The following SCN7A variants were observed in gnomAD, a reference collection of about 807,000 sequenced individuals.
The protein encoded by SCN7A is sodium voltage-gated channel alpha subunit 7.
A neutral mutation model predicts 155.2 loss-of-function variants in SCN7A; 138 were observed. That is an observed-to-expected ratio of 0.89 (90% CI 0.77 to 1.02). The LOEUF (loss-of-function observed/expected upper bound fraction) is 1.02, where lower values mean the gene tolerates loss of function less well. Ranked by LOEUF, SCN7A falls within the 50% of genes least tolerant of loss-of-function variation. The pLI is 0.00. For missense variants in SCN7A, 2,058 were observed against 1,986.6 expected (o/e 1.04, Z -0.68); for synonymous variants, 693 against 649.0 (o/e 1.07, Z -1.03).
chr2:166,437,635 G>T (rs1219356012), intron 15 of SCN7A, among the ~76,000 whole-genome samples: 3 of 152,122 alleles, frequency 2.0e-5, no homozygotes, highest in Admixed American at 6.5e-5. Context: ...AAGGCAGCTG[G>T]GATCGGGGCT....
intron 7 of SCN7A, among the ~76,000 whole-genome samples, chr2:166,469,632 A>T (rs1426722504): frequency 6.6e-6 from 1 of 151,800 alleles, no homozygotes; most frequent in Admixed American, 6.6e-5. Flanking sequence ...TATTATTACA[A>T]CTTGAATTCA....
chr2:166,437,176 C>T (rs969472221), intron 15 of SCN7A, among the ~76,000 whole-genome samples: 4 of 152,184 alleles, frequency 2.6e-5, no homozygotes, highest in African/African-American at 9.7e-5. Context: ...GCCCAGGGTC[C>T]CCCTGCTGTG....
At chr2:166,431,555 T>G (rs1575020199) in intron 16 of SCN7A, among the ~76,000 whole-genome samples, 1 of 152,040 alleles carries the variant, frequency 6.6e-6, no homozygotes, top group African/African-American at 2.4e-5. Flanking sequence ...TCTCTGTAGG[T>G]GTAGCTTTCT....
At chr2:166,429,533 C>T (rs1046926803) in intron 16 of SCN7A, among the ~76,000 whole-genome samples, 17 of 152,108 alleles carry the variant, frequency 1.1e-4, no homozygotes, top group African/African-American at 4.1e-4. Flanking sequence ...TAGTTTATAA[C>T]ACTTTGCTTC....
At chr2:166,478,673 C>T (rs1245562288) in intron 2 of SCN7A, among the ~76,000 whole-genome samples, 1 of 151,874 alleles carries the variant, frequency 6.6e-6, no homozygotes, top group African/African-American at 2.4e-5. Context: ...AATCCTTATA[C>T]AAAAAATAAT....
chr2:166,440,786 C>G (rs2105431968), intron 15 of SCN7A: 1 of 152,256 alleles, frequency 6.6e-6, no homozygotes, highest in South Asian at 2.1e-4. Context: ...TAATCCAGGG[C>G]AGATAAATCC....
chr2:166,432,340 G>A lies in SCN7A; in HGVS notation c.2570C>T (p.Ser857Phe), dbSNP rs781537745. 1 of 1,610,266 alleles carries A rather than the reference G, an allele frequency of 6.2e-7. No homozygotes were observed. The highest frequency in any genetic ancestry group is 1.7e-5 in the Admixed American group (1 of 59,518). ...TACCTCTTTGCTGCCTCCATCACCA[G>A]ACTTACTCTGAATCTCCTTATTATC... ...NLDNKEIQSK[S>F]GDGGSKEKIK... Residue 857 changes from serine (S) to phenylalanine (F), a missense_variant, in exon 16 of 26, where the codon TCT (serine) becomes TTT (phenylalanine). Coordinates refer to ENST00000643258, the MANE Select transcript of SCN7A (RefSeq NM_002976.4).
intron 21 of SCN7A, among the ~76,000 whole-genome samples, chr2:166,415,317 T>G (rs1450507081): frequency 6.6e-6 from 1 of 150,760 alleles, no homozygotes; most frequent in Non-Finnish European, 1.5e-5. Flanking sequence ...CTCCGCCTCC[T>G]AGGTTCAAGG....
At chr2:166,437,397 T>C (rs772135589) in intron 15 of SCN7A, among the ~76,000 whole-genome samples, 4 of 152,146 alleles carry the variant, frequency 2.6e-5, no homozygotes, top group Non-Finnish European at 5.9e-5. Flanking sequence ...AATGCCTGGA[T>C]GTCCAGGCAG....
chr2:166,466,103 T>C (rs1702529606), intron 7 of SCN7A, 116 bp from the exon 8 acceptor site: 4 of 693,132 alleles, frequency 5.8e-6, no homozygotes, highest in Non-Finnish European at 7.1e-6. Context: ...TATCTTATAA[T>C]GTAATTCTAA....
intron 9 of SCN7A, 76 bp downstream of exon 9, chr2:166,465,386 G>A (rs977044661): frequency 9.9e-7 from 1 of 1,010,348 alleles, no homozygotes; most frequent in East Asian, 2.5e-5. Flanking sequence ...GGAAGCAACA[G>A]TAAAAGCAAT....
intron 14 of SCN7A, among the ~76,000 whole-genome samples, chr2:166,442,163 G>T (rs1386048440): frequency 1.3e-5 from 2 of 152,060 alleles, no homozygotes; most frequent in South Asian, 2.1e-4. Flanking sequence ...TCTGATGAAG[G>T]TACTATCATG....
chr2:166,444,858 G>A lies in SCN7A; in HGVS notation c.1530C>T (p.Phe510=), dbSNP rs763323939. ...CGTTTAAAATTATGCATATGATAAG[G>A]AAAAGATCAGTAAATGGTGCCATTA... The part of the protein sequence containing the change: ...RIIMAPFTDL[F]LIICIILNVC... The change falls in exon 13 of 26, where the codon TTC becomes TTT. Residue 510 remains phenylalanine, a synonymous_variant. Transcript: ENST00000643258. The A allele has an allele frequency of 1.2e-6, 2 of 1,612,354 alleles. No individual in the cohort carries two copies. The highest frequency in any genetic ancestry group is 1.7e-5 in the Admixed American group (1 of 59,900).
chr2:166,471,729 G>C (rs1029502092), intron 6 of SCN7A, among the ~76,000 whole-genome samples: 5 of 149,908 alleles, frequency 3.3e-5, no homozygotes, highest in African/African-American at 9.8e-5. Context: ...AAAATGTGGG[G>C]GGGGGGGTGG....
intron 15 of SCN7A, among the ~76,000 whole-genome samples, chr2:166,438,735 C>T (rs1394451029): frequency 1.3e-5 from 2 of 151,940 alleles, no homozygotes; most frequent in Non-Finnish European, 2.9e-5. Context: ...CCCCCTTCTA[C>T]TTATTCTACT....
chr2:166,466,640 T>C (rs1702540961), intron 7 of SCN7A, among the ~76,000 whole-genome samples: 1 of 151,984 alleles, frequency 6.6e-6, no homozygotes, highest in African/African-American at 2.4e-5. Flanking sequence ...CTATTAAATT[T>C]TTTGTATATA....
In SCN7A at chr2:166,441,400, A is replaced by G. The variant is rs2105433236; in HGVS notation, c.2153T>C (p.Leu718Ser). The part of the protein sequence containing the change: ...FYLMVILIGN[L>S]LVLYLFLALV... ...GTAAAAGAATTGACTACTTACCAGTAAATTTCCAATTAAAATGACCATCAG... is the reference window on the plus strand; with the variant it reads ...GTAAAAGAATTGACTACTTACCAGTGAATTTCCAATTAAAATGACCATCAG... The change falls in exon 15 of 26, where the codon TTA becomes TCA. Residue 718 changes from leucine (L) to serine (S), a missense_variant. Leu to Ser is a moderately radical substitution (Grantham distance 145, BLOSUM62 -2). Coordinates refer to ENST00000643258, the MANE Select transcript of SCN7A (RefSeq NM_002976.4). 6.3e-7 allele frequency: 1 copy of G among 1,581,098 alleles called. No homozygotes were observed. The highest frequency in any genetic ancestry group is 2.2e-5 in the East Asian group (1 of 44,494).
chr2:166,414,552 C>G (rs1213558706), intron 21 of SCN7A: 1 of 140,850 alleles, frequency 7.1e-6, no homozygotes, highest in African/African-American at 2.6e-5. Flanking sequence ...CCTCATCTTA[C>G]CAGGCTTCGG....
At chr2:166,485,511 T>C (rs199541982) in intron 2 of SCN7A, among the ~76,000 whole-genome samples, 1 of 152,162 alleles carries the variant, frequency 6.6e-6, no homozygotes, top group African/African-American at 2.4e-5. Context: ...TTAATGGCAG[T>C]TGAAACACTA....
Sources: gnomAD v4.1 joint callset for allele counts (sites outside exome capture counted in the v4.1 genomes callset) on GRCh38, gnomAD v4.1.1 for gene constraint, MANE v1.5 for transcripts, NCBI Gene and HGNC (gene_info 2026-07-23, HGNC 2026-07-21) for gene names.